Variants in DDX11 observed in about 807,000 individuals in gnomAD.
The protein encoded by DDX11 is ATP-dependent DNA helicase DDX11.
A neutral mutation model predicts 125.2 loss-of-function variants in DDX11; 72 were observed. That is an observed-to-expected ratio of 0.58 (90% CI 0.48 to 0.70). The LOEUF is 0.70. DDX11 is among the 30% of genes least tolerant of loss of function. The pLI, the probability that DDX11 is intolerant of heterozygous loss-of-function variation, is 0.00. For synonymous variants in DDX11, 347 were observed against 452.6 expected, an observed-to-expected ratio of 0.77 and a Z score of 2.96; for missense variants, 883 against 1,165.0, an observed-to-expected ratio of 0.76 and a Z score of 3.52.
intron 24 of DDX11, 41 bp downstream of exon 24, chr12:31,103,061 G>A: frequency 6.2e-7 from 1 of 1,605,168 alleles, no homozygotes; most frequent in Non-Finnish European, 8.5e-7. Context: ...AGGAGAGTAG[G>A]CAGTGGGTGG....
chr12:31,099,084 C>CTTTTTTTTTTTTTTTTTTTT (rs763612105), intron 18 of DDX11, among the ~76,000 whole-genome samples: 46 of 63,702 alleles, frequency 7.2e-4, no homozygotes, highest in African/African-American at 1.3e-3. Flanking sequence ...TTCTTTCTTT[C>CTTTTTTTTTTTTTTTTTTTT]TTTTTTTTTT....
intron 3 of DDX11, among the ~76,000 whole-genome samples, chr12:31,084,357 G>C (rs1006718729): frequency 1.3e-5 from 2 of 152,246 alleles, no homozygotes; most frequent in African/African-American, 4.8e-5. Context: ...GGATCTGATG[G>C]AGAGCGTGTG....
At chr12:31,101,333 T>C in intron 20 of DDX11, 1 of 612,288 alleles carries the variant, frequency 1.6e-6, no homozygotes, top group Non-Finnish European at 2.9e-6. Context: ...CCTCACGCCT[T>C]AGGCTGCGAA....
chr12:31,089,065 C>T lies in DDX11; in HGVS notation c.706C>T (p.His236Tyr). Residue 236 changes from histidine (H) to tyrosine (Y), a missense_variant, in exon 7 of 27, where the codon CAC becomes TAC. This residue lies in a region of DDX11 where 283 missense variants were observed against 359.6 expected (regional missense o/e 0.79). Transcript: ENST00000542838. ...ITKIYYCSRT[H>Y]SQLAQFVHEV... ...CTAGATTTATTACTGTAGTCGGACA[C>T]ACTCCCAGCTGGCCCAGTTTGTGCA... is the stretch of plus-strand genomic sequence containing the variant. 1 of 1,613,978 alleles carries T rather than the reference C, an allele frequency of 6.2e-7. No homozygotes were observed. The highest frequency in any genetic ancestry group is 8.5e-7 in the Non-Finnish European group (1 of 1,179,832).
At position 31,091,322 on chromosome 12, in the gene DDX11, A is replaced by G. The variant is rs550511124; in HGVS notation, c.1090-397A>G. On this transcript the variant is annotated intron_variant, in intron 9 of 26. Coordinates refer to ENST00000542838, the MANE Select transcript of DDX11 (RefSeq NM_030653.4). ...AAGCAAGAGTCAGAGAGGTTAGACA[A>G]CTCTTCCAGAGTCACACAGCTGGGG... The G allele has an allele frequency of 5.2e-3, 923 of 176,924 alleles. 9 individuals are homozygous for G. The highest frequency in any genetic ancestry group is 7.7e-3 in the Non-Finnish European group (671 of 87,702). 11.0% of individuals were successfully genotyped at this position (176,924 alleles called of 1,614,324 possible).
intron 2 of DDX11, among the ~76,000 whole-genome samples, chr12:31,080,603 G>A (rs1941716655): frequency 6.6e-6 from 1 of 150,794 alleles, no homozygotes; most frequent in African/African-American, 2.4e-5. Flanking sequence ...TGTCTCTGCC[G>A]AAATCACTTC....
chr12:31,076,920 A>T (rs991015202), intron 1 of DDX11: 3 of 153,252 alleles, frequency 2.0e-5, no homozygotes, highest in Non-Finnish European at 2.9e-5. Context: ...GGGTAAAATA[A>T]TGCTAGTTCT....
intron 3 of DDX11, 37 bp downstream of exon 3, chr12:31,084,098 G>A (rs2140517938): frequency 1.2e-6 from 2 of 1,610,844 alleles, no homozygotes; most frequent in African/African-American, 1.3e-5. Context: ...GAGTACTGGA[G>A]GAAACAGGGC....
chr12:31,101,808 C>T (rs1284437604), intron 20 of DDX11, 25 bp from the exon 21 acceptor site: 4 of 1,613,844 alleles, frequency 2.5e-6, no homozygotes, highest in Non-Finnish European at 1.7e-6. Context: ...TGGGGGCTCC[C>T]TCCCTCCCTC....
At position 31,102,713 on chromosome 12, in the gene DDX11, T is replaced by C. The variant is rs987272265; in HGVS notation, c.2372+186T>C. 1.1e-5 allele frequency: 8 copies of C among 709,724 alleles called. No individual in the cohort carries two copies. The African/African-American group carries it at 1.2e-4, about 11-fold the overall frequency. The allele number at this position is 709,724 out of a possible 1,614,324, so 44.0% of individuals were successfully genotyped here. ...TTGGTCCTGGGAGAGCAGTTGGATTTTAGGCTACCCATTGCTGTATCAGGA... is the reference window on the plus strand; with the variant it reads ...TTGGTCCTGGGAGAGCAGTTGGATTCTAGGCTACCCATTGCTGTATCAGGA... On this transcript the variant is annotated intron_variant, in intron 23 of 26. Transcript: ENST00000542838.
chr12:31,079,297 A>G (rs12580520), intron 2 of DDX11, among the ~76,000 whole-genome samples: 8,366 of 146,622 alleles, frequency 0.057, 301 homozygotes, highest in East Asian at 0.15. Context: ...GTGGCCTCTC[A>G]ATATGATTTT....
At chr12:31,080,305 T>C (rs1330852402) in intron 2 of DDX11, among the ~76,000 whole-genome samples, 1 of 151,798 alleles carries the variant, frequency 6.6e-6, no homozygotes, top group African/African-American at 2.4e-5. Context: ...GGGATCCAGG[T>C]GGAGAGTCCC....
chr12:31,092,823 C>T (rs2140828336), intron 10 of DDX11, 23 bp from the exon 11 acceptor site: 1 of 1,613,016 alleles, frequency 6.2e-7, no homozygotes, highest in Non-Finnish European at 8.5e-7. Context: ...TTGCTCAGAG[C>T]CTGGTTTGTG....
chr12:31,080,990 C>T (rs937457663), intron 2 of DDX11, among the ~76,000 whole-genome samples: 3 of 152,176 alleles, frequency 2.0e-5, no homozygotes, highest in Non-Finnish European at 2.9e-5. Context: ...AGCAATCCTC[C>T]CTCCTTGGCC....
intron 11 of DDX11, 59 bp downstream of exon 11, chr12:31,092,951 T>C: frequency 6.3e-7 from 1 of 1,593,770 alleles, no homozygotes; most frequent in Non-Finnish European, 8.6e-7. Context: ...TGCGTGGGCC[T>C]CTGAGAGGCA....
intron 6 of DDX11, among the ~76,000 whole-genome samples, chr12:31,088,639 T>C (rs1189901523): frequency 6.6e-6 from 1 of 152,272 alleles, no homozygotes; most frequent in Non-Finnish European, 1.5e-5. Flanking sequence ...GAGGGTATTC[T>C]GGTCAGCCTT....
At position 31,103,689 on chromosome 12, in the gene DDX11, G is replaced by T; in HGVS notation, c.2649G>T (p.Glu883Asp). ...KLPAWIRARV[E>D]VKATFGPAIA... Reference sequence around the variant, plus strand: ...CGGCCTGGATCCGAGCCCGTGTGGAGGTCAAAGCTACCTTTGGCCCCGCCA... The same window carrying T: ...CGGCCTGGATCCGAGCCCGTGTGGATGTCAAAGCTACCTTTGGCCCCGCCA... Residue 883 changes from glutamate (E) to aspartate (D), a missense_variant, in exon 26 of 27, where the codon GAG (glutamate) becomes GAT (aspartate). By Grantham distance (45) the Glu-to-Asp change is conservative. Coordinates refer to ENST00000542838, the MANE Select transcript of DDX11 (RefSeq NM_030653.4). 9 of 1,613,966 alleles carry T rather than the reference G, an allele frequency of 5.6e-6. No individual in the cohort carries two copies. The highest frequency in any genetic ancestry group is 7.6e-6 in the Non-Finnish European group (9 of 1,180,014).
Position 31,089,473 on chromosome 12 carries a change from T to G in DDX11, c.863T>G (p.Met288Arg). The stretch of plus-strand genomic sequence containing the variant: ...CTTATCAACGACCGCTGTGTGGACA[T>G]GCAGAGAAGCAGGCACGGTAGCCAC... ...VQLINDRCVD[M>R]QRSRHEKKKG... Residue 288 changes from methionine to arginine, a missense_variant, in exon 8 of 27, where the codon ATG becomes AGG. Coordinates refer to ENST00000542838, the MANE Select transcript of DDX11 (RefSeq NM_030653.4). 1 of 1,613,878 alleles carries G rather than the reference T, an allele frequency of 6.2e-7. No individual in the cohort carries two copies. Among genetic ancestry groups the G allele is most frequent in the South Asian group, 1.1e-5 (1 of 91,080 alleles).
chr12:31,080,416 G>T (rs1941667075), intron 2 of DDX11, among the ~76,000 whole-genome samples: 1 of 152,188 alleles, frequency 6.6e-6, no homozygotes, highest in Non-Finnish European at 1.5e-5. Flanking sequence ...TCCACTTAGA[G>T]CCCACTTCCT....
Sources: gnomAD v4.1 joint callset for allele counts (sites outside exome capture counted in the v4.1 genomes callset) on GRCh38, gnomAD v4.1.1 for gene constraint, gnomAD v4.1.1 regional missense constraint, MANE v1.5 for transcripts, NCBI Gene and HGNC (gene_info 2026-07-23, HGNC 2026-07-21) for gene names.